Variants in CFAP57 observed in about 807,000 individuals in gnomAD.
The protein encoded by CFAP57 is cilia- and flagella-associated protein 57.
CFAP57 carries 116 observed loss-of-function variants against 146.8 expected under a neutral mutation model. That is an observed-to-expected ratio of 0.79 (90% CI 0.68 to 0.92). The LOEUF is 0.92. Ranked by LOEUF, CFAP57 falls within the 40% of genes least tolerant of loss-of-function variation. The probability of loss-of-function intolerance (pLI) is 0.00; values close to 1 mark genes in which losing one functional copy is unlikely to be tolerated. For missense variants in CFAP57, 1,377 were observed against 1,527.2 expected (o/e 0.90, Z 1.64); for synonymous variants, 518 against 552.8 (o/e 0.94, Z 0.88).
intron 11 of CFAP57, chr1:43,210,463 A>G (rs147244817): frequency 4.9e-5 from 52 of 1,062,738 alleles, no homozygotes; most frequent in Non-Finnish European, 5.9e-5. Flanking sequence ...AAAAGATGGT[A>G]TATCTATACA....
rs896965765 is a variant in CFAP57 at position 43,234,571 on chromosome 1, C to T, written c.3338C>T (p.Ala1113Val). Residue 1113 changes from alanine (A) to valine (V), a missense_variant, in exon 21 of 23, where the codon GCC becomes GTC. Coordinates refer to ENST00000372492, the MANE Select transcript of CFAP57 (RefSeq NM_001378189.1). ...RQREHLERNL[A>V]TLKKKVVKEG... The stretch of plus-strand genomic sequence containing the variant: ...CGGGAGCACCTGGAGAGGAACCTGG[C>T]CACTCTCAAGAAGAAGGTGGTCAAG... 9.7e-6 allele frequency: 15 copies of T among 1,550,454 alleles called. No individual in the cohort carries two copies. In the East Asian group the frequency reaches 2.2e-4, roughly 23 times the overall value.
At chr1:43,248,051 A>G (rs1481330624) in intron 22 of CFAP57, among the ~76,000 whole-genome samples, 1 of 148,466 alleles carries the variant, frequency 6.7e-6, no homozygotes, top group Admixed American at 6.7e-5. Context: ...AAGCAGGAGA[A>G]TGGCGTGAAC....
chr1:43,196,705 C>T (rs1445228525), intron 6 of CFAP57, among the ~76,000 whole-genome samples: 1 of 152,214 alleles, frequency 6.6e-6, no homozygotes, highest in Non-Finnish European at 1.5e-5. Context: ...CTGTAACCTA[C>T]ATAACCAGTG....
At chr1:43,186,603 T>G in intron 5 of CFAP57, 104 bp from the exon 6 acceptor site, 4 of 1,197,554 alleles carry the variant, frequency 3.3e-6, no homozygotes, top group Non-Finnish European at 3.4e-6. Context: ...AGAGCGAGAC[T>G]CCGTCTCAAA....
chr1:43,203,794 T>C (rs1177064894), intron 9 of CFAP57, among the ~76,000 whole-genome samples: 1 of 152,220 alleles, frequency 6.6e-6, no homozygotes, highest in African/African-American at 2.4e-5. Flanking sequence ...GCTTTCAACA[T>C]TTTGTTTTTG....
At chr1:43,172,503 G>A in intron 1 of CFAP57, 50 bp downstream of exon 1, 1 of 1,386,466 alleles carries the variant, frequency 7.2e-7, no homozygotes, top group Non-Finnish European at 9.5e-7. Context: ...AGCAGTGAGG[G>A]TACAAAGGAA....
intron 11 of CFAP57, among the ~76,000 whole-genome samples, chr1:43,213,513 G>T (rs1245521789): frequency 8.2e-6 from 1 of 122,570 alleles, no homozygotes; most frequent in African/African-American, 4.2e-5. Flanking sequence ...TGGGGGGGGC[G>T]GTGGAGCGCA....
At chr1:43,206,621 G>A in intron 9 of CFAP57, 99 bp from the exon 10 acceptor site, 2 of 1,213,540 alleles carry the variant, frequency 1.6e-6, no homozygotes, top group Non-Finnish European at 1.2e-6. Flanking sequence ...AGGACGTTCT[G>A]CTCAGTCTAG....
intron 12 of CFAP57, among the ~76,000 whole-genome samples, chr1:43,216,804 A>G (rs928297216): frequency 6.6e-6 from 1 of 152,218 alleles, no homozygotes; most frequent in Non-Finnish European, 1.5e-5. Context: ...CTCTCAGGCC[A>G]TGATTTACCT....
intron 21 of CFAP57, among the ~76,000 whole-genome samples, chr1:43,237,507 T>C (rs907802977): frequency 6.6e-6 from 1 of 152,212 alleles, no homozygotes; most frequent in African/African-American, 2.4e-5. Flanking sequence ...TAATTACTGC[T>C]CAACTCATTG....
At chr1:43,186,905 CT>C in intron 6 of CFAP57, 46 bp downstream of exon 6, 1 of 1,611,952 alleles carries the variant, frequency 6.2e-7, no homozygotes, top group Non-Finnish European at 8.5e-7. Flanking sequence ...ACCTATCTGC[CT>C]GCTGGGGGAC....
chr1:43,217,541 C>T lies in CFAP57; in HGVS notation c.2092-1841C>T, dbSNP rs114388128. ...CAGGCCAAGCCCCACCCTCAGGTAC[C>T]GGTCCTTCTACCTAGGAGACAGCCT... On this transcript the variant is annotated intron_variant, in intron 12 of 22. Transcript: ENST00000372492. 3.0e-3 allele frequency among the ~76,000 whole-genome samples: 453 copies of T among 152,184 alleles called. 1 individual carries two copies. The highest frequency in any genetic ancestry group is 0.02 in the Middle Eastern group (6 of 294).
At chr1:43,202,770 G>A (rs113704258) in intron 9 of CFAP57, among the ~76,000 whole-genome samples, 6,564 of 149,312 alleles carry the variant, frequency 0.044, 173 homozygotes, top group African/African-American at 0.054. Context: ...GTAACAGAGT[G>A]AGACCCTACC....
At chr1:43,234,212 G>C in intron 19 of CFAP57, 67 bp from the exon 20 acceptor site, 1 of 1,440,062 alleles carries the variant, frequency 6.9e-7, no homozygotes, top group Non-Finnish European at 9.2e-7. Flanking sequence ...ATTAACCTCT[G>C]CCTGCAGCCC....
intron 2 of CFAP57, among the ~76,000 whole-genome samples, chr1:43,177,681 C>T (rs1645225603): frequency 6.6e-6 from 1 of 152,152 alleles, no homozygotes; most frequent in African/African-American, 2.4e-5. Context: ...GGGATGGTTT[C>T]AGGATGAAAC....
At chr1:43,220,320 C>G (rs987747774) in intron 13 of CFAP57, among the ~76,000 whole-genome samples, 1 of 152,072 alleles carries the variant, frequency 6.6e-6, no homozygotes. Context: ...ATACTGATTC[C>G]TGGATTGTCA....
At chr1:43,216,647 T>TA (rs1644843962) in intron 12 of CFAP57, among the ~76,000 whole-genome samples, 1 of 152,152 alleles carries the variant, frequency 6.6e-6, no homozygotes, top group South Asian at 2.1e-4. Context: ...CCTTCTGTCT[T>TA]ACCATCCTTG....
intron 5 of CFAP57, among the ~76,000 whole-genome samples, chr1:43,186,158 C>T (rs963943218): frequency 6.6e-6 from 1 of 151,854 alleles, no homozygotes; most frequent in Admixed American, 6.6e-5. Flanking sequence ...GAGAGGATGG[C>T]TTGAGCCTGG....
intron 17 of CFAP57, among the ~76,000 whole-genome samples, chr1:43,225,181 C>A (rs150723186): frequency 6.6e-6 from 1 of 152,326 alleles, no homozygotes; most frequent in East Asian, 1.9e-4. Context: ...GTGGCAACAG[C>A]CTCCTAAGCA....
Sources: allele counts gnomAD v4.1 joint callset (sites outside exome capture counted in the v4.1 genomes callset), GRCh38; gene constraint gnomAD v4.1.1; transcripts MANE v1.5; gene names NCBI Gene and HGNC (gene_info 2026-07-23, HGNC 2026-07-21).